KLHL24: variants seen among roughly 807,000 people sequenced by gnomAD.
KLHL24 encodes the protein kelch-like protein 24.
A neutral mutation model predicts 53.4 loss-of-function variants in KLHL24; 29 were observed. The ratio of observed to expected loss-of-function variants is 0.54; its 90% confidence interval spans 0.40 to 0.74. The LOEUF (loss-of-function observed/expected upper bound fraction) is 0.74, where lower values mean the gene tolerates loss of function less well. KLHL24 is among the 30% of genes least tolerant of loss of function. The pLI is 0.00. For synonymous variants in KLHL24, 222 were observed against 253.7 expected, an observed-to-expected ratio of 0.88 and a Z score of 1.19; for missense variants, 504 against 744.0, an observed-to-expected ratio of 0.68 and a Z score of 3.75.
intron 3 of KLHL24, among the ~76,000 whole-genome samples, chr3:183,655,673 T>C (rs1576921389): frequency 6.6e-6 from 1 of 151,302 alleles, no homozygotes; most frequent in African/African-American, 2.4e-5. Flanking sequence ...ACCTGTAATC[T>C]CAGCACTTTG....
chr3:183,668,271 T>C (rs1007836657), intron 5 of KLHL24, among the ~76,000 whole-genome samples: 2 of 151,952 alleles, frequency 1.3e-5, no homozygotes, highest in African/African-American at 4.8e-5. Context: ...GAGATGCTGA[T>C]ACAAAGGCAA....
At chr3:183,673,217 T>C (rs753024146) in intron 7 of KLHL24, among the ~76,000 whole-genome samples, 2 of 151,960 alleles carry the variant, frequency 1.3e-5, no homozygotes, top group East Asian at 3.9e-4. Context: ...AAAAAGTAAA[T>C]AAATAAGTAA....
At chr3:183,649,961 T>C (rs1219843277) in intron 2 of KLHL24, among the ~76,000 whole-genome samples, 2 of 152,160 alleles carry the variant, frequency 1.3e-5, no homozygotes, top group African/African-American at 2.4e-5. Context: ...AAATTGTGTC[T>C]TACACCATTC....
intron 3 of KLHL24, among the ~76,000 whole-genome samples, chr3:183,653,302 C>G (rs1366141433): frequency 6.6e-6 from 1 of 152,166 alleles, no homozygotes; most frequent in Non-Finnish European, 1.5e-5. Flanking sequence ...CTGTCCCTTA[C>G]ATTTATCTTT....
At chr3:183,662,597 A>T (rs1719963364) in intron 3 of KLHL24, among the ~76,000 whole-genome samples, 2 of 152,186 alleles carry the variant, frequency 1.3e-5, no homozygotes, top group Admixed American at 1.3e-4. Flanking sequence ...GCTTTTGGTT[A>T]TTCCTGTCTC....
At chr3:183,635,986 CG>C (rs1409930686) in intron 1 of KLHL24, among the ~76,000 whole-genome samples, 193 bp downstream of exon 1, 1 of 152,256 alleles carries the variant, frequency 6.6e-6, no homozygotes, top group African/African-American at 2.4e-5. Flanking sequence ...CTTCCTCCCC[CG>C]CTTGGTAGCT....
At chr3:183,677,832 C>T (rs541067135) in intron 7 of KLHL24, among the ~76,000 whole-genome samples, 1 of 151,892 alleles carries the variant, frequency 6.6e-6, no homozygotes, top group Non-Finnish European at 1.5e-5. Context: ...GCTCTTATCA[C>T]CCAGACTGGA....
At chr3:183,670,057 G>A (rs978789343) in intron 5 of KLHL24, among the ~76,000 whole-genome samples, 5 of 152,118 alleles carry the variant, frequency 3.3e-5, no homozygotes, top group African/African-American at 7.2e-5. Flanking sequence ...GAGGCCGAGA[G>A]TTAGAGACCA....
In KLHL24 at chr3:183,679,381, A is replaced by G. The variant is rs1484614670; in HGVS notation, c.*95A>G. 1 of 785,286 alleles carries G rather than the reference A, an allele frequency of 1.3e-6. No homozygotes were observed. The highest frequency in any genetic ancestry group is 2.0e-6 in the Non-Finnish European group (1 of 488,574). 48.6% of individuals were successfully genotyped at this position (785,286 alleles called of 1,614,324 possible). ...ACTTCACATATCTCCTTTGTGCCAT[A>G]TGCAAAAAATAGTAAAAATAATAAT... On this transcript the variant is annotated 3_prime_UTR_variant, in exon 8 of 8. Coordinates refer to ENST00000242810, the MANE Select transcript of KLHL24 (RefSeq NM_017644.3).
In KLHL24 at chr3:183,651,226, G is replaced by T. The variant is rs751871776; in HGVS notation, c.870G>T (p.Arg290=). 1.5e-5 allele frequency: 24 copies of T among 1,613,994 alleles called. No individual in the cohort carries two copies. Among genetic ancestry groups the T allele is most frequent in the Admixed American group, 5.0e-5 (3 of 59,986 alleles). ...ATCAGTTGTTGCATGAAGCAAGACG[G>T]TACCACATACTTGGGAATGAAATGA... ...ECYQLLHEAR[R]YHILGNEMMS... The change falls in exon 3 of 8, where the codon CGG becomes CGT. Residue 290 remains arginine (R), a synonymous_variant. Coordinates refer to ENST00000242810, the MANE Select transcript of KLHL24 (RefSeq NM_017644.3).
intron 6 of KLHL24, 64 bp from the exon 7 acceptor site, chr3:183,672,232 C>A: frequency 1.2e-6 from 1 of 812,228 alleles, no homozygotes. Flanking sequence ...TTGGTAGATT[C>A]TTTATTAAGT....
intron 3 of KLHL24, among the ~76,000 whole-genome samples, chr3:183,651,694 C>T (rs2108799401): frequency 6.6e-6 from 1 of 152,298 alleles, no homozygotes; most frequent in East Asian, 1.9e-4. Flanking sequence ...GGGGCTCACA[C>T]CTATAATCCC....
chr3:183,657,618 C>G (rs1719095170), intron 3 of KLHL24, among the ~76,000 whole-genome samples: 1 of 152,218 alleles, frequency 6.6e-6, no homozygotes, highest in Admixed American at 6.5e-5. Flanking sequence ...ACAGTTAACT[C>G]ACTTGCTCCT....
At position 183,672,411 on chromosome 3, in the gene KLHL24, T is replaced by C. The variant is rs1721449562; in HGVS notation, c.1529T>C (p.Leu510Pro). Reference sequence around the variant, plus strand: ...AACCTGATCTATGTTGCCGGTGGACTGACCAAGGCAATATACTGTTACGAT... The same window carrying C: ...AACCTGATCTATGTTGCCGGTGGACCGACCAAGGCAATATACTGTTACGAT... ...LNNLIYVAGG[L>P]TKAIYCYDPV... Residue 510 changes from leucine to proline, a missense_variant, in exon 7 of 8, where the codon CTG becomes CCG. Coordinates refer to ENST00000242810, the MANE Select transcript of KLHL24 (RefSeq NM_017644.3). 1 of 1,613,662 alleles carries C rather than the reference T, an allele frequency of 6.2e-7. No individual in the cohort carries two copies. The highest frequency in any genetic ancestry group is 8.5e-7 in the Non-Finnish European group (1 of 1,179,842).
intron 2 of KLHL24, among the ~76,000 whole-genome samples, chr3:183,647,956 A>T (rs1717552607): frequency 6.6e-6 from 1 of 152,142 alleles, no homozygotes; most frequent in Admixed American, 6.5e-5. Context: ...CAGTGAGCCG[A>T]GGTCATGGCA....
Position 183,672,296 on chromosome 3 carries a change from G to T in KLHL24, c.1414G>T (p.Val472Phe). 6.4e-7 allele frequency: 1 copy of T among 1,556,466 alleles called. No homozygotes were observed. The highest frequency in any genetic ancestry group is 8.7e-7 in the Non-Finnish European group (1 of 1,146,358). The change falls in exon 7 of 8, where the codon GTT becomes TTT. Residue 472 changes from valine to phenylalanine, a missense_variant and splice_region_variant. Transcript: ENST00000242810. The stretch of plus-strand genomic sequence containing the variant: ...ATTATATATTTTTATATGTTATTAG[G>T]TTCAATCTTATGATCCAGAAACCAA... ...GPDDNTCSDKVQSYDPETNSW... is the reference protein window; with the variant it reads ...GPDDNTCSDKFQSYDPETNSW...
intron 4 of KLHL24, 58 bp from the exon 5 acceptor site, chr3:183,664,863 T>C: frequency 1.1e-6 from 1 of 911,620 alleles, no homozygotes; most frequent in South Asian, 1.9e-5. Context: ...GGCACAGATC[T>C]CTTGGTGACA....
At chr3:183,672,255 T>G in intron 6 of KLHL24, 41 bp from the exon 7 acceptor site, 4 of 1,071,760 alleles carry the variant, frequency 3.7e-6, no homozygotes, top group Non-Finnish European at 5.1e-6. Context: ...ATTTCCATTT[T>G]TGTTTAGAAA....
chr3:183,684,171 T>G lies in KLHL24; in HGVS notation c.*4885T>G, dbSNP rs1712969265. 6.6e-6 allele frequency: 1 copy of G among 152,178 alleles called. No individual in the cohort carries two copies. Among genetic ancestry groups the G allele is most frequent in the African/African-American group, 2.4e-5 (1 of 41,428 alleles). 9.4% of individuals were successfully genotyped at this position (152,178 alleles called of 1,614,324 possible). ...TTTTGAAAAAGCACTTACTCTCCCC[T>G]TCCCTATCACCCCTCCCCCAAGGTT... On this transcript the variant is annotated 3_prime_UTR_variant, in exon 8 of 8. Transcript: ENST00000242810.
Sources: gnomAD v4.1 joint callset for allele counts (sites outside exome capture counted in the v4.1 genomes callset) on GRCh38, gnomAD v4.1.1 for gene constraint, MANE v1.5 for transcripts, NCBI Gene and HGNC (gene_info 2026-07-23, HGNC 2026-07-21) for gene names.